Variants in ARL17B observed in about 807,000 individuals in gnomAD.
ARL17B encodes the protein ADP-ribosylation factor-like protein 17.
At chr17:46,281,196 C>T (rs2696514) in intron 4 of ARL17B, among the ~76,000 whole-genome samples, 20,910 of 150,492 alleles carry the variant, frequency 0.14, 1,863 homozygotes, top group Non-Finnish European at 0.21. Context: ...GTCCACCTGG[C>T]TTATAATGTT....
At chr17:46,284,850 C>A (rs2049862154) in intron 4 of ARL17B, among the ~76,000 whole-genome samples, 1 of 152,230 alleles carries the variant, frequency 6.6e-6, no homozygotes, top group Non-Finnish European at 1.5e-5. Flanking sequence ...AAGTTTCAAT[C>A]CAATGCACTA....
intron 4 of ARL17B, among the ~76,000 whole-genome samples, chr17:46,277,464 A>C (rs1394613915): frequency 6.6e-6 from 1 of 152,182 alleles, no homozygotes; most frequent in African/African-American, 2.4e-5. Context: ...TAAAAAAGCA[A>C]TTTTAGAAAT....
chr17:46,316,590 C>T lies in ARL17B; in HGVS notation c.260-16925G>A, dbSNP rs547124469. Among the ~76,000 whole-genome samples the T allele has an allele frequency of 2.6e-4, 18 of 70,508 alleles. 4 individuals carry two copies. The East Asian group carries it at 4.8e-3, about 19-fold the overall frequency. 46.3% of individuals were successfully genotyped at this position (70,508 alleles called of 152,430 possible). On this transcript the variant is annotated intron_variant, in intron 3 of 4. Coordinates refer to the ARL17B transcript ENST00000434041. The stretch of plus-strand genomic sequence containing the variant: ...AGCTGAGACTACAGGCATGCACCAC[C>T]ATGCCCAGTTTTTTTTGTTTTTGTT...
At chr17:46,275,453 CT>C (rs1244471486) in intron 4 of ARL17B, 7 of 848,848 alleles carry the variant, frequency 8.2e-6, no homozygotes, top group Non-Finnish European at 1.3e-5. Flanking sequence ...AATTGAGCAC[CT>C]TTCATTTTTG....
At chr17:46,281,864 A>G (rs1476051714) in intron 4 of ARL17B, among the ~76,000 whole-genome samples, 1 of 152,064 alleles carries the variant, frequency 6.6e-6, no homozygotes, top group African/African-American at 2.4e-5. Flanking sequence ...GGCTGGTCTC[A>G]AACTCCTGAC....
intron 4 of ARL17B, among the ~76,000 whole-genome samples, chr17:46,292,035 T>C (rs2050087025): frequency 7.4e-6 from 1 of 134,380 alleles, no homozygotes; most frequent in Non-Finnish European, 1.6e-5. Context: ...AATGAAATTA[T>C]AGAGCAATTT....
intron 3 of ARL17B, among the ~76,000 whole-genome samples, chr17:46,351,879 A>G (rs1198972321): frequency 1.3e-5 from 2 of 152,366 alleles, no homozygotes; most frequent in East Asian, 3.9e-4. Flanking sequence ...ATCGGGGTGT[A>G]AAAACTATAG....
chr17:46,335,408 C>T lies in ARL17B; in HGVS notation c.*4092G>A. ...ATGGAAGAATCAAAGCAGTGTTACA[C>T]AGCATACAATTCCTGTCTTCAAAAA... On this transcript the variant is annotated 3_prime_UTR_variant, in exon 4 of 4. Transcript: ENST00000450673. 1 of 134,980 alleles carries T rather than the reference C, an allele frequency of 7.4e-6. No homozygotes were observed. Among genetic ancestry groups the T allele is most frequent in the Admixed American group, 5.8e-5 (1 of 17,332 alleles). 8.4% of individuals were successfully genotyped at this position (134,980 alleles called of 1,614,324 possible).
chr17:46,275,951 C>T (rs1346676270), intron 4 of ARL17B, among the ~76,000 whole-genome samples: 9 of 151,726 alleles, frequency 5.9e-5, no homozygotes, highest in African/African-American at 1.9e-4. Context: ...AGTGCAAAGG[C>T]GCGATCTTGG....
At chr17:46,285,153 G>A (rs557318345) in intron 4 of ARL17B, among the ~76,000 whole-genome samples, 1 of 152,258 alleles carries the variant, frequency 6.6e-6, no homozygotes, top group East Asian at 1.9e-4. Flanking sequence ...ATAGGTGTGA[G>A]CAACCACACT....
chr17:46,278,970 G>T (rs1222550114), intron 4 of ARL17B, among the ~76,000 whole-genome samples: 1 of 151,866 alleles, frequency 6.6e-6, no homozygotes, highest in African/African-American at 2.4e-5. Context: ...GCTAATTTTT[G>T]TATTTTTAGT....
At chr17:46,278,307 G>A (rs571786316) in intron 4 of ARL17B, among the ~76,000 whole-genome samples, 1 of 152,188 alleles carries the variant, frequency 6.6e-6, no homozygotes, top group Non-Finnish European at 1.5e-5. Context: ...CCCTGTGATG[G>A]CAAATGAGAG....
chr17:46,282,034 T>C (rs1488412700), intron 4 of ARL17B, among the ~76,000 whole-genome samples: 1 of 152,220 alleles, frequency 6.6e-6, no homozygotes, highest in Non-Finnish European at 1.5e-5. Flanking sequence ...ATTCATTTAT[T>C]TTTTAATTCC....
chr17:46,278,162 T>C (rs1229593809), intron 4 of ARL17B, among the ~76,000 whole-genome samples: 1 of 152,064 alleles, frequency 6.6e-6, no homozygotes, highest in African/African-American at 2.4e-5. Context: ...GGCCAGCTGG[T>C]CTCGAACTCC....
At chr17:46,288,706 CTTTTTTTTT>C (rs199591277) in intron 4 of ARL17B, among the ~76,000 whole-genome samples, 1 of 139,072 alleles carries the variant, frequency 7.2e-6, no homozygotes, top group East Asian at 2.1e-4. Flanking sequence ...CTTGTTTTTT[CTTTTTTTTT>C]TTTTTTGAGA....
At chr17:46,289,049 C>T (rs1393572632) in intron 4 of ARL17B, among the ~76,000 whole-genome samples, 1 of 152,134 alleles carries the variant, frequency 6.6e-6, no homozygotes, top group Non-Finnish European at 1.5e-5. Context: ...TTAAGTGCAT[C>T]TCTTCTGCTA....
intron 4 of ARL17B, among the ~76,000 whole-genome samples, chr17:46,289,925 G>A (rs1435766490): frequency 7.2e-5 from 11 of 152,214 alleles, no homozygotes; most frequent in Admixed American, 7.2e-4. Context: ...CTCAAGAGCA[G>A]CCTGGCCACA....
At chr17:46,282,983 A>G (rs373695612) in intron 4 of ARL17B, among the ~76,000 whole-genome samples, 19,308 of 148,502 alleles carry the variant, frequency 0.13, 1,798 homozygotes, top group Non-Finnish European at 0.2. Context: ...GTCGGGTGTG[A>G]TGGCACGTGC....
chr17:46,281,182 A>G (rs1197120086), intron 4 of ARL17B, among the ~76,000 whole-genome samples: 3 of 151,986 alleles, frequency 2.0e-5, no homozygotes, highest in Non-Finnish European at 4.4e-5. Context: ...GTCTTTTTCC[A>G]TTTGTCCACC....
Sources: gnomAD v4.1 joint callset for allele counts (sites outside exome capture counted in the v4.1 genomes callset) on GRCh38, gnomAD v4.1.1 for gene constraint, MANE v1.5 for transcripts, NCBI Gene and HGNC (gene_info 2026-07-23, HGNC 2026-07-21) for gene names.